The following DOK7 variants were observed in gnomAD, a reference collection of about 807,000 sequenced individuals.
DOK7 encodes the protein docking protein 7.
Under a neutral mutation model 30.7 loss-of-function variants are expected in DOK7, and 32 were observed. The ratio of observed to expected loss-of-function variants is 1.04; its 90% confidence interval spans 0.79 to 1.40. The LOEUF (loss-of-function observed/expected upper bound fraction) is 1.40. Ranked by LOEUF, DOK7 falls within the 40% of genes most tolerant of loss-of-function variation. DOK7 has a pLI of 0.00. For synonymous variants in DOK7, 447 were observed against 324.1 expected (o/e 1.38, Z -4.07); for missense variants, 1,007 against 699.2 (o/e 1.44, Z -4.97).
exon 8 of DOK7, chr4:3,500,942 G>A (rs1432818650): frequency 3.6e-6 from 5 of 1,402,412 alleles, no homozygotes; most frequent in East Asian, 2.5e-5. Flanking sequence ...CCAGTCGCAG[G>A]AGCAGGCATG....
chr4:3,484,400 T>A (rs1022143298), intron 4 of DOK7: 11 of 711,472 alleles, frequency 1.5e-5, no homozygotes, highest in Non-Finnish European at 1.7e-5. Context: ...GAGATTTCCC[T>A]TCCCCCCAAC....
At chr4:3,487,164 G>A (rs988642658) in intron 5 of DOK7, among the ~76,000 whole-genome samples, 4 of 152,210 alleles carry the variant, frequency 2.6e-5, no homozygotes, top group Non-Finnish European at 5.9e-5. Flanking sequence ...TCAGGGCCTC[G>A]GCCTGCAGCT....
At chr4:3,476,190 CTCTCACCTCA>C in intron 3 of DOK7, 142 bp from the exon 4 acceptor site, 1 of 722,390 alleles carries the variant, frequency 1.4e-6, no homozygotes, top group East Asian at 2.8e-5. Flanking sequence ...CCTCGATGCC[CTCTCACCTCA>C]CCCGCCCATG....
Position 3,469,050 on chromosome 4 carries a change from CTGTGTGTGCATTAG to C in DOK7, c.101-4346_101-4333del, listed in dbSNP as rs1320970445. On this transcript the variant is annotated intron_variant, in intron 2 of 6. Coordinates refer to ENST00000340083, the MANE Select transcript of DOK7 (RefSeq NM_173660.5). ...TGTGTATGTGTATGAGTGTGCATGT[CTGTGTGTGCATTAG>C]TGTGTGTGCCTGAGTGTACATGTGT... is the stretch of plus-strand genomic sequence containing the variant. Among the ~76,000 whole-genome samples, 3 of 112,840 alleles carry C rather than the reference CTGTGTGTGCATTAG, an allele frequency of 2.7e-5. No homozygotes were observed. The East Asian group carries it at 7.4e-4, about 28-fold the overall frequency. The allele number at this position is 112,840 out of a possible 152,430, so 74.0% of individuals were successfully genotyped here.
chr4:3,476,268 CTCT>C, intron 3 of DOK7, 71 bp from the exon 4 acceptor site: 1 of 1,174,488 alleles, frequency 8.5e-7, no homozygotes, highest in Non-Finnish European at 1.1e-6. Flanking sequence ...CCGTGATGCC[CTCT>C]CACCCCACCC....
chr4:3,493,099 A>G lies in DOK7; in HGVS notation c.1113A>G (p.Ser371=), dbSNP rs6811856. 1.9e-6 allele frequency: 3 copies of G among 1,580,000 alleles called. No individual in the cohort carries two copies. The highest frequency in any genetic ancestry group is 1.3e-5 in the African/African-American group (1 of 74,384). Residue 371 remains serine (S), a synonymous_variant, in exon 7 of 7, where the codon TCA becomes TCG. Coordinates refer to ENST00000340083, the MANE Select transcript of DOK7 (RefSeq NM_173660.5). The part of the protein sequence containing the change: ...DVWRATDELG[S]LLSLPAAGAP... ...GGCGGGCCACAGATGAACTGGGCTC[A>G]CTGCTCAGCCTGCCAGCAGCGGGGG...
chr4:3,463,390 G>C lies in DOK7; in HGVS notation c.15G>C (p.Ala5=). The C allele has an allele frequency of 2.0e-6, 3 of 1,494,984 alleles. No individual in the cohort carries two copies. The highest frequency in any genetic ancestry group is 2.6e-6 in the Non-Finnish European group (3 of 1,135,684). 92.6% of individuals were successfully genotyped at this position (1,494,984 alleles called of 1,614,324 possible). Residue 5 remains alanine (A), a synonymous_variant, in exon 1 of 7, where the codon GCG becomes GCC. Transcript: ENST00000340083. The stretch of plus-strand genomic sequence containing the variant: ...CATGACAGAAGATGACCGAGGCGGC[G>C]CTGGTGGAGGGCCAGGTCAAGCTGC... The part of the protein sequence containing the change: MTEA[A]LVEGQVKLRD...
intron 4 of DOK7, among the ~76,000 whole-genome samples, chr4:3,477,124 G>C (rs2699428): frequency 0.43 from 65,299 of 152,118 alleles, 14,325 homozygotes; most frequent in African/African-American, 0.5. Flanking sequence ...ACCCAGCCCT[G>C]CCCAGAGAGT....
Position 3,489,693 on chromosome 4 carries a change from A to C in DOK7, c.669A>C (p.Gly223=). The change falls in exon 6 of 7, where the codon GGA becomes GGC. Residue 223 remains glycine (G), a synonymous_variant. Coordinates refer to ENST00000340083, the MANE Select transcript of DOK7 (RefSeq NM_173660.5). ...RPVLPDPSPP[G]PSTVEERVAQ... ...CTGCCACAGACCCAAGTCCCCCGGGACCCTCGACTGTGGAGGAGCGTGTGG... is the reference window on the plus strand; with the variant it reads ...CTGCCACAGACCCAAGTCCCCCGGGCCCCTCGACTGTGGAGGAGCGTGTGG... 2 of 1,564,278 alleles carry C rather than the reference A, an allele frequency of 1.3e-6. No homozygotes were observed. Among genetic ancestry groups the C allele is most frequent in the South Asian group, 2.4e-5 (2 of 85,010 alleles).
In DOK7 at chr4:3,469,358, A is replaced by T. The variant is rs1487358500; in HGVS notation, c.101-4048A>T. ...CAGTGCTGCCTGCCAGAGCCCCGGGAACCCTCCAAGTTCTGCAAAAGCCTT... is the reference window on the plus strand; with the variant it reads ...CAGTGCTGCCTGCCAGAGCCCCGGGTACCCTCCAAGTTCTGCAAAAGCCTT... On this transcript the variant is annotated intron_variant, in intron 2 of 6. Coordinates refer to ENST00000340083, the MANE Select transcript of DOK7 (RefSeq NM_173660.5). Among the ~76,000 whole-genome samples the T allele has an allele frequency of 2.6e-5, 4 of 152,224 alleles. No individual in the cohort carries two copies. The East Asian group carries it at 7.7e-4, about 29-fold the overall frequency.
intron 2 of DOK7, among the ~76,000 whole-genome samples, chr4:3,467,836 A>T (rs766293634): frequency 6.6e-6 from 1 of 152,134 alleles, no homozygotes; most frequent in Non-Finnish European, 1.5e-5. Context: ...GTGTCTCGTG[A>T]GGACCATGTC....
downstream of DOK7, among the ~76,000 whole-genome samples, chr4:3,494,949 C>T (rs1427534537): frequency 6.6e-6 from 1 of 152,032 alleles, no homozygotes; most frequent in Non-Finnish European, 1.5e-5. Context: ...GTTGTGGGTG[C>T]CTGCCTGTCC....
Position 3,471,022 on chromosome 4 carries a change from C to T in DOK7, c.101-2384C>T, listed in dbSNP as rs911446875. The stretch of plus-strand genomic sequence containing the variant: ...CTGGGTGATCAGCCCACCAAGGCTC[C>T]GAGGAAGCTGAGGCCCTCGAGGTGG... On this transcript the variant is annotated intron_variant, in intron 2 of 6. Transcript: ENST00000340083. Among the ~76,000 whole-genome samples the T allele has an allele frequency of 5.3e-5, 8 of 152,306 alleles. No individual in the cohort carries two copies. The South Asian group carries it at 8.3e-4, about 16-fold the overall frequency.
In DOK7 at chr4:3,492,971, G is replaced by C. The variant is rs1728604942; in HGVS notation, c.985G>C (p.Glu329Gln). 20 of 1,553,254 alleles carry C rather than the reference G, an allele frequency of 1.3e-5. No homozygotes were observed. Among genetic ancestry groups the C allele is most frequent in the Non-Finnish European group, 1.6e-5 (19 of 1,152,686 alleles). Residue 329 changes from glutamate (E) to glutamine (Q), a missense_variant, in exon 7 of 7, where the codon GAG becomes CAG. By Grantham distance (29) the Glu-to-Gln change is conservative. Transcript: ENST00000340083. ...PKPLRPRQLQ[E>Q]VGRQSSSDSG... The stretch of plus-strand genomic sequence containing the variant: ...GCCGCTGCGTCCGCGGCAGCTGCAG[G>C]AGGTTGGCCGCCAGAGCTCCTCGGA...
rs1054553384 is a variant in DOK7 at position 3,500,812 on chromosome 4, C to A, written c.1382C>A (p.Ala461Glu). ...CTGTCGGAGCTGGAGCAGAGGAAGG[C>A]AGCCCCGCAGTGAGGTCACAGCGCC... The change falls in exon 8 of 8, where the codon GCA becomes GAA. Residue 461 changes from alanine to glutamate, a missense_variant. Coordinates refer to the DOK7 transcript ENST00000643608. The A allele has an allele frequency of 4.6e-6, 7 of 1,532,058 alleles. No homozygotes were observed. In the Admixed American group the frequency reaches 1.2e-4, roughly 26 times the overall value. 94.9% of individuals were successfully genotyped at this position (1,532,058 alleles called of 1,614,324 possible).
At chr4:3,476,002 C>T (rs374386901) in intron 3 of DOK7, among the ~76,000 whole-genome samples, 5 of 152,072 alleles carry the variant, frequency 3.3e-5, no homozygotes, top group East Asian at 1.9e-4. Context: ...ATCCTGCCGT[C>T]GCTGCCTCCC....
chr4:3,496,727 T>C (rs1249702014), downstream of DOK7: 4 of 1,414,440 alleles, frequency 2.8e-6, no homozygotes, highest in East Asian at 2.5e-5. Flanking sequence ...TGTGTCACTC[T>C]TGGGGGGTAG....
Position 3,499,895 on chromosome 4 carries a change from GGA to G in DOK7, c.1109-350_1109-349del, listed in dbSNP as rs541602506. Among the ~76,000 whole-genome samples, 479 of 152,138 alleles carry G rather than the reference GGA, an allele frequency of 3.1e-3. 2 individuals carry two copies. The highest frequency in any genetic ancestry group is 5.3e-3 in the Non-Finnish European group (359 of 67,974). Reference sequence around the variant, plus strand: ...GGACAGCCAAGGAGGGGCGGTTGGTGGAGAGAGTTGGGAAGGTGCGGGGCGAG... The same window carrying G: ...GGACAGCCAAGGAGGGGCGGTTGGTGGAGAGTTGGGAAGGTGCGGGGCGAG... On this transcript the variant is annotated intron_variant, in intron 6 of 7. Coordinates refer to the DOK7 transcript ENST00000643608.
At chr4:3,499,063 G>A (rs913781562), downstream of DOK7, among the ~76,000 whole-genome samples, 5 of 152,236 alleles carry the variant, frequency 3.3e-5, no homozygotes, top group African/African-American at 1.2e-4. Flanking sequence ...AAGGGTGAGA[G>A]GAGCCAGGCA....
Sources: allele counts gnomAD v4.1 joint callset (sites outside exome capture counted in the v4.1 genomes callset), GRCh38; gene constraint gnomAD v4.1.1; transcripts MANE v1.5; gene names NCBI Gene and HGNC (gene_info 2026-07-23, HGNC 2026-07-21).